Variants in ANK1 observed in about 807,000 individuals in gnomAD.
The protein encoded by ANK1 is ankyrin-1.
ANK1 carries 51 observed loss-of-function variants against 210.4 expected under a neutral mutation model. The ratio of observed to expected loss-of-function variants is 0.24; its 90% CI spans 0.19 to 0.31. The LOEUF (loss-of-function observed/expected upper bound fraction) is 0.31, where lower values mean the gene tolerates loss of function less well. Among genes scored for constraint, ANK1 ranks in the 10% least tolerant of loss-of-function variants. ANK1 has a pLI of 1.00. For missense variants in ANK1, 2,051 were observed against 2,504.4 expected, an observed-to-expected ratio of 0.82 and a Z score of 3.86; for synonymous variants, 967 against 1,025.9, an observed-to-expected ratio of 0.94 and a Z score of 1.10.
At chr8:41,671,661 C>G (rs1466615202) in intron 38 of ANK1, among the ~76,000 whole-genome samples, 1 of 138,962 alleles carries the variant, frequency 7.2e-6, no homozygotes, top group African/African-American at 2.7e-5. Context: ...CCCAGCACCC[C>G]GATGTCCCTA....
chr8:41,727,098 C>T (rs1201217134), intron 5 of ANK1, 152 bp downstream of exon 5: 6 of 713,204 alleles, frequency 8.4e-6, no homozygotes, highest in South Asian at 1.5e-5. Flanking sequence ...CCTTGCAGAA[C>T]CTGACAGCAC....
At chr8:41,885,145 A>T (rs945272069) in intron 1 of ANK1, among the ~76,000 whole-genome samples, 4 of 151,824 alleles carry the variant, frequency 2.6e-5, no homozygotes, top group Admixed American at 2.6e-4. Flanking sequence ...TGCAATGGAG[A>T]CTCCAGCAGC....
chr8:41,690,610 G>A lies in ANK1; in HGVS notation c.3859-11C>T. On this transcript the variant is annotated splice_polypyrimidine_tract_variant and intron_variant, in intron 31 of 42. Transcript: ENST00000289734. ...CATTCCTTCCAACACCTGCAGGAGA[G>A]GAAAAGCAGATACAGCTTGTCAGGG... The A allele has an allele frequency of 1.2e-6, 2 of 1,611,020 alleles. No homozygotes were observed. The highest frequency in any genetic ancestry group is 1.7e-6 in the Non-Finnish European group (2 of 1,179,928).
chr8:41,718,869 C>T (rs185342692), intron 10 of ANK1, among the ~76,000 whole-genome samples: 3 of 152,288 alleles, frequency 2.0e-5, no homozygotes, highest in East Asian at 1.9e-4. Context: ...CTACAACACA[C>T]AAGACCACAA....
intron 1 of ANK1, among the ~76,000 whole-genome samples, chr8:41,890,986 A>G (rs1819333847): frequency 6.6e-6 from 1 of 152,248 alleles, no homozygotes; most frequent in Non-Finnish European, 1.5e-5. Flanking sequence ...ACAATTTAGT[A>G]GAAGAGATAA....
At chr8:41,782,635 G>T (rs754457448) in intron 1 of ANK1, among the ~76,000 whole-genome samples, 2 of 152,112 alleles carry the variant, frequency 1.3e-5, no homozygotes, top group Non-Finnish European at 2.9e-5. Flanking sequence ...ACTGTCTCAG[G>T]GGGTCTCAGA....
At chr8:41,851,212 G>T (rs1219010165) in intron 1 of ANK1, among the ~76,000 whole-genome samples, 3 of 152,218 alleles carry the variant, frequency 2.0e-5, no homozygotes, top group Admixed American at 6.5e-5. Flanking sequence ...ATGGACATCA[G>T]CTTACTCAGC....
intron 33 of ANK1, 67 bp from the exon 34 acceptor site, chr8:41,688,656 G>T: frequency 7.0e-7 from 1 of 1,426,468 alleles, no homozygotes; most frequent in Non-Finnish European, 9.8e-7. Flanking sequence ...AGTGATCTGA[G>T]CTCCTATGCT....
At chr8:41,841,866 G>A (rs896409921) in intron 1 of ANK1, among the ~76,000 whole-genome samples, 3 of 152,242 alleles carry the variant, frequency 2.0e-5, no homozygotes, top group African/African-American at 4.8e-5. Context: ...CCAGGACCCT[G>A]AGGCACCTCC....
chr8:41,841,585 A>G (rs192456036), intron 1 of ANK1, among the ~76,000 whole-genome samples: 2 of 152,334 alleles, frequency 1.3e-5, no homozygotes, highest in South Asian at 2.1e-4. Flanking sequence ...GTGGCATACA[A>G]GGACACCTTT....
At chr8:41,743,339 T>C (rs1356678287) in intron 2 of ANK1, among the ~76,000 whole-genome samples, 1 of 152,188 alleles carries the variant, frequency 6.6e-6, no homozygotes, top group Non-Finnish European at 1.5e-5. Flanking sequence ...AGCGACGGCA[T>C]GATAGTTTGT....
Position 41,684,598 on chromosome 8 carries a change from G to C in ANK1, c.4483C>G (p.Pro1495Ala). 1.9e-6 allele frequency: 3 copies of C among 1,613,822 alleles called. No homozygotes were observed. Among genetic ancestry groups the C allele is most frequent in the East Asian group, 2.2e-5 (1 of 44,884 alleles). ...TCGCGGTCGGTGTGCCGCCTGTCTG[G>C]CTTCAAGTTGCGGCTCTGTCGGCCG... Reference protein sequence around the residue: ...GSGRQSRNLKPDRRHTDRDYS... With the variant: ...GSGRQSRNLKADRRHTDRDYS... Residue 1495 changes from proline (P) to alanine (A), a missense_variant, in exon 37 of 43, where the codon CCA becomes GCA. Physicochemically the swap from Pro to Ala is conservative, Grantham distance 27. Coordinates refer to ENST00000289734, the MANE Select transcript of ANK1 (RefSeq NM_000037.4).
chr8:41,730,189 G>A (rs973147778), intron 3 of ANK1, among the ~76,000 whole-genome samples: 26 of 152,286 alleles, frequency 1.7e-4, no homozygotes, highest in Non-Finnish European at 2.5e-4. Flanking sequence ...GGGCCTAGCC[G>A]TGTGGCCCCC....
At chr8:41,664,151 C>T (rs371608768) in intron 39 of ANK1, 3 of 458,482 alleles carry the variant, frequency 6.5e-6, no homozygotes, top group South Asian at 1.5e-5. Flanking sequence ...TGCTTGAAAC[C>T]CCAGAGCCAG....
chr8:41,683,454 C>T (rs1320559797), intron 37 of ANK1, among the ~76,000 whole-genome samples: 1 of 152,154 alleles, frequency 6.6e-6, no homozygotes, highest in Non-Finnish European at 1.5e-5. Context: ...ACCTGGGACT[C>T]GCCCTCAGCC....
intron 2 of ANK1, among the ~76,000 whole-genome samples, chr8:41,752,193 T>C (rs1837873436): frequency 6.6e-6 from 1 of 152,170 alleles, no homozygotes; most frequent in African/African-American, 2.4e-5. Context: ...GCTGACTTCA[T>C]GTATGTGCCC....
At chr8:41,886,463 A>G (rs1818456266) in intron 1 of ANK1, among the ~76,000 whole-genome samples, 1 of 152,238 alleles carries the variant, frequency 6.6e-6, no homozygotes, top group Non-Finnish European at 1.5e-5. Context: ...CACAGGCCAC[A>G]GCTCTTCATT....
chr8:41,729,287 G>A (rs1299722990), intron 3 of ANK1, among the ~76,000 whole-genome samples: 1 of 152,214 alleles, frequency 6.6e-6, no homozygotes, highest in Non-Finnish European at 1.5e-5. Context: ...AATAAACACT[G>A]GAGGAAAACC....
intron 1 of ANK1, among the ~76,000 whole-genome samples, chr8:41,796,019 T>C (rs930177093): frequency 2.0e-5 from 3 of 152,198 alleles, no homozygotes; most frequent in African/African-American, 7.2e-5. Context: ...CACTCACATG[T>C]ATTCCACAAA....
Sources: gnomAD v4.1 joint callset for allele counts (sites outside exome capture counted in the v4.1 genomes callset) on GRCh38, gnomAD v4.1.1 for gene constraint, MANE v1.5 for transcripts, NCBI Gene and HGNC (gene_info 2026-07-23, HGNC 2026-07-21) for gene names.